Variants in CNTNAP5 observed in about 807,000 individuals in gnomAD.
CNTNAP5 encodes contactin-associated protein-like 5.
Under a neutral mutation model 150.2 loss-of-function variants are expected in CNTNAP5, and 72 were observed. The ratio of observed to expected loss-of-function variants is 0.48; its 90% CI spans 0.40 to 0.58. CNTNAP5 has a LOEUF of 0.58. Among genes scored for constraint, CNTNAP5 ranks in the 20% least tolerant of loss-of-function variants. CNTNAP5 has a pLI of 0.00. For missense variants in CNTNAP5, 1,636 were observed against 1,626.2 expected (o/e 1.01, Z -0.10); for synonymous variants, 672 against 619.8 (o/e 1.08, Z -1.25).
Position 124,499,288 on chromosome 2 carries a change from A to G in CNTNAP5, c.1063-5004A>G, listed in dbSNP as rs193162503. Among the ~76,000 whole-genome samples, 149 of 151,900 alleles carry G rather than the reference A, an allele frequency of 9.8e-4. 2 individuals are homozygous for G. The East Asian group carries it at 0.019, about 20-fold the overall frequency. On this transcript the variant is annotated intron_variant, in intron 7 of 23. Transcript: ENST00000682447. ...TGTAAGGCATGGGCAGTTATCAAAA[A>G]GTAGCTAATTATTACAAGGCAGTAT...
intron 21 of CNTNAP5, among the ~76,000 whole-genome samples, chr2:124,896,688 A>G (rs2253158): frequency 0.53 from 79,525 of 150,832 alleles, 22,525 homozygotes; most frequent in African/African-American, 0.69. Context: ...ACAGGTGTGC[A>G]CCACCATGTC....
At chr2:124,786,385 A>G (rs1353660883) in intron 17 of CNTNAP5, among the ~76,000 whole-genome samples, 10 of 93,416 alleles carry the variant, frequency 1.1e-4, no homozygotes, top group Non-Finnish European at 2.2e-4. Flanking sequence ...GAAAGAAAGA[A>G]AGAAAGAAAG....
intron 21 of CNTNAP5, among the ~76,000 whole-genome samples, 191 bp from the exon 22 acceptor site, chr2:124,902,691 T>A (rs1678437475): frequency 1.3e-5 from 2 of 152,152 alleles, no homozygotes; most frequent in South Asian, 4.1e-4. Flanking sequence ...ATGTAGTTGA[T>A]ATATTGATGC....
intron 1 of CNTNAP5, among the ~76,000 whole-genome samples, chr2:124,075,604 C>G (rs1289732341): frequency 6.6e-6 from 1 of 152,108 alleles, no homozygotes; most frequent in African/African-American, 2.4e-5. Flanking sequence ...TTCTTTGCTG[C>G]ACTTTCATCT....
chr2:124,334,103 T>C (rs767623236), intron 3 of CNTNAP5, among the ~76,000 whole-genome samples: 109 of 152,184 alleles, frequency 7.2e-4, no homozygotes, highest in Non-Finnish European at 1.1e-3. Context: ...CGGGGCTCCA[T>C]GAGGAAGGCT....
At chr2:124,314,443 A>G (rs914063163) in intron 3 of CNTNAP5, among the ~76,000 whole-genome samples, 1 of 152,160 alleles carries the variant, frequency 6.6e-6, no homozygotes, top group Non-Finnish European at 1.5e-5. Flanking sequence ...CGCAACACAG[A>G]GTTGATTCAT....
chr2:124,212,220 C>A (rs555498196), intron 1 of CNTNAP5, among the ~76,000 whole-genome samples: 1 of 152,036 alleles, frequency 6.6e-6, no homozygotes, highest in Admixed American at 6.6e-5. Context: ...TTCTTTCTCC[C>A]AATCTTATCA....
At chr2:124,765,798 A>T (rs1027242665) in intron 16 of CNTNAP5, among the ~76,000 whole-genome samples, 3 of 152,018 alleles carry the variant, frequency 2.0e-5, no homozygotes, top group Non-Finnish European at 4.4e-5. Flanking sequence ...GCCACTAAAA[A>T]TACAAAAATT....
intron 14 of CNTNAP5, among the ~76,000 whole-genome samples, chr2:124,752,270 T>C (rs1219257366): frequency 6.6e-6 from 1 of 152,112 alleles, no homozygotes; most frequent in Non-Finnish European, 1.5e-5. Context: ...GCCCAGGCTG[T>C]TCTTGAACTC....
chr2:124,454,741 A>C (rs1324315994), intron 6 of CNTNAP5, among the ~76,000 whole-genome samples: 1 of 152,156 alleles, frequency 6.6e-6, no homozygotes, highest in Non-Finnish European at 1.5e-5. Context: ...CAAAAGGAAC[A>C]TTCAAAACCA....
intron 1 of CNTNAP5, among the ~76,000 whole-genome samples, chr2:124,095,450 A>T (rs145798846): frequency 6.6e-6 from 1 of 152,140 alleles, no homozygotes; most frequent in Non-Finnish European, 1.5e-5. Flanking sequence ...ACCATGGCAG[A>T]TGTATACCTA....
At chr2:124,815,497 C>A (rs193117604) in intron 19 of CNTNAP5, among the ~76,000 whole-genome samples, 2 of 152,150 alleles carry the variant, frequency 1.3e-5, no homozygotes, top group African/African-American at 2.4e-5. Flanking sequence ...AATGGGCTAT[C>A]GGAAACTTAT....
intron 1 of CNTNAP5, among the ~76,000 whole-genome samples, chr2:124,102,804 G>T (rs1022231306): frequency 1.1e-4 from 16 of 152,184 alleles, no homozygotes; most frequent in African/African-American, 3.4e-4. Flanking sequence ...CAGCGATGTT[G>T]TGAGGATAAA....
At chr2:124,610,751 G>C (rs888479504) in intron 12 of CNTNAP5, among the ~76,000 whole-genome samples, 1 of 152,134 alleles carries the variant, frequency 6.6e-6, no homozygotes, top group African/African-American at 2.4e-5. Flanking sequence ...ACGAGGTCAG[G>C]AGATCCAGAC....
chr2:124,030,901 C>T (rs192764460), intron 1 of CNTNAP5, among the ~76,000 whole-genome samples: 14 of 152,188 alleles, frequency 9.2e-5, no homozygotes, highest in Admixed American at 2.6e-4. Flanking sequence ...AGATGTCAGA[C>T]CAACAAGTAT....
At chr2:124,231,811 A>AT (rs1354929259) in intron 2 of CNTNAP5, among the ~76,000 whole-genome samples, 1 of 152,152 alleles carries the variant, frequency 6.6e-6, no homozygotes, top group East Asian at 1.9e-4. Context: ...CCTGTCTCAA[A>AT]TTGAGACAAA....
chr2:124,145,812 T>TAAAAAAAAAAAAAAAAAAAAAAAAAATA, intron 1 of CNTNAP5, among the ~76,000 whole-genome samples: 1 of 64,196 alleles, frequency 1.6e-5, no homozygotes, highest in African/African-American at 7.0e-5. Flanking sequence ...AAAAAAACAT[T>TAAAAAAAAAAAAAAAAAAAAAAAAAATA]AAAAAAAAAA....
chr2:124,463,785 G>A (rs150551102), intron 6 of CNTNAP5, among the ~76,000 whole-genome samples: 2 of 152,268 alleles, frequency 1.3e-5, no homozygotes, highest in African/African-American at 4.8e-5. Context: ...TGAGAAGGCT[G>A]CTCAGTGGAA....
intron 1 of CNTNAP5, among the ~76,000 whole-genome samples, chr2:124,110,665 T>C (rs1178853044): frequency 6.6e-6 from 1 of 152,148 alleles, no homozygotes; most frequent in Non-Finnish European, 1.5e-5. Flanking sequence ...TATCCTCATT[T>C]TATAGACAAT....
Sources: gnomAD v4.1 joint callset for allele counts (sites outside exome capture counted in the v4.1 genomes callset) on GRCh38, gnomAD v4.1.1 for gene constraint, MANE v1.5 for transcripts, NCBI Gene and HGNC (gene_info 2026-07-23, HGNC 2026-07-21) for gene names.